Variants in CREB5 observed in about 807,000 individuals in gnomAD.
The protein encoded by CREB5 is cyclic AMP-responsive element-binding protein 5.
A neutral mutation model predicts 57.1 loss-of-function variants in CREB5; 19 were observed. That is an observed-to-expected ratio of 0.33 (90% CI 0.23 to 0.49). CREB5 has a LOEUF of 0.49. CREB5 is among the 20% of genes least tolerant of loss of function. CREB5 has a pLI of 0.99. For synonymous variants in CREB5, 238 were observed against 238.3 expected (o/e 1.00, Z 0.01); for missense variants, 579 against 671.6 (o/e 0.86, Z 1.52).
chr7:28,445,598 C>T (rs1047642055), intron 1 of CREB5, among the ~76,000 whole-genome samples: 1 of 151,708 alleles, frequency 6.6e-6, no homozygotes, highest in Admixed American at 6.6e-5. Flanking sequence ...GTTGCCCAGG[C>T]TGGAGTGCAG....
rs1477125869 is a variant in CREB5, at chr7:28,560,903, C to CGTGCGTGTGTGT, written c.292-9461_292-9460insTGCGTGTGTGTG. Among the ~76,000 whole-genome samples, 20 of 26,148 alleles carry CGTGCGTGTGTGT rather than the reference C, an allele frequency of 7.6e-4. 1 individual carries two copies. The highest frequency in any genetic ancestry group is 1.1e-3 in the Non-Finnish European group (14 of 12,524). The allele number at this position is 26,148 out of a possible 152,430, so 17.2% of individuals were successfully genotyped here. A position where few individuals can be genotyped will look rare whatever the true frequency, so the allele number is the denominator to read the frequency against. ...GCGTGCGTGCGTGTGTGTGCGTGCG[C>CGTGCGTGTGTGT]GCGTGCGTGTGCGTGTGTGCGCGTG... On this transcript the variant is annotated intron_variant, in intron 4 of 10. Coordinates refer to ENST00000357727, the MANE Select transcript of CREB5 (RefSeq NM_182898.4).
intron 5 of CREB5, among the ~76,000 whole-genome samples, chr7:28,671,092 T>C (rs1800019395): frequency 6.6e-6 from 1 of 151,882 alleles, no homozygotes; most frequent in Non-Finnish European, 1.5e-5. Flanking sequence ...AGCAAGACCC[T>C]GTCCCTGCAA....
intron 5 of CREB5, among the ~76,000 whole-genome samples, chr7:28,619,526 G>C (rs1036840845): frequency 6.6e-6 from 1 of 152,120 alleles, no homozygotes; most frequent in Non-Finnish European, 1.5e-5. Context: ...TCTTCAGTGA[G>C]AAAACCACAC....
chr7:28,751,264 A>G lies in CREB5; in HGVS notation c.702+26932A>G, dbSNP rs183820839. ...CTTCTCTACACATCTTTATTAACTCAGATGCCATCCCCAGCATTCAAAGAA... is the reference window on the plus strand; with the variant it reads ...CTTCTCTACACATCTTTATTAACTCGGATGCCATCCCCAGCATTCAAAGAA... On this transcript the variant is annotated intron_variant, in intron 7 of 10. Coordinates refer to ENST00000357727, the MANE Select transcript of CREB5 (RefSeq NM_182898.4). Among the ~76,000 whole-genome samples the G allele has an allele frequency of 6.6e-5, 10 of 152,228 alleles. No homozygotes were observed. The East Asian group carries it at 1.9e-3, about 29-fold the overall frequency.
chr7:28,729,556 T>A (rs1168278711), intron 7 of CREB5, among the ~76,000 whole-genome samples: 3 of 152,198 alleles, frequency 2.0e-5, no homozygotes, highest in African/African-American at 4.8e-5. Context: ...GTCCAACAGA[T>A]AAATCACAGA....
intron 5 of CREB5, among the ~76,000 whole-genome samples, chr7:28,579,118 G>C (rs1052771324): frequency 1.3e-5 from 2 of 152,164 alleles, no homozygotes; most frequent in African/African-American, 2.4e-5. Flanking sequence ...CTGGGGGCCT[G>C]ACTTTTCCAT....
At chr7:28,787,429 A>T (rs1807396093) in intron 7 of CREB5, among the ~76,000 whole-genome samples, 2 of 152,148 alleles carry the variant, frequency 1.3e-5, no homozygotes. Context: ...TTCAACTTTA[A>T]ACTTGTCATG....
At chr7:28,316,506 A>G (rs1785385559) in intron 1 of CREB5, among the ~76,000 whole-genome samples, 1 of 152,142 alleles carries the variant, frequency 6.6e-6, no homozygotes, top group South Asian at 2.1e-4. Flanking sequence ...TGGGAACTAA[A>G]TATTGTCTTT....
chr7:28,536,145 C>A (rs62449894), intron 4 of CREB5, among the ~76,000 whole-genome samples: 8,824 of 152,192 alleles, frequency 0.058, 369 homozygotes, highest in Middle Eastern at 0.12. Flanking sequence ...GCTGAGAAAC[C>A]AGCAAACAAT....
At chr7:28,398,476 C>T (rs928339865) in intron 1 of CREB5, among the ~76,000 whole-genome samples, 1 of 152,134 alleles carries the variant, frequency 6.6e-6, no homozygotes, top group Non-Finnish European at 1.5e-5. Context: ...CAAATATGAA[C>T]CTTTGCTATC....
chr7:28,325,518 T>C (rs1785579898), intron 1 of CREB5, among the ~76,000 whole-genome samples: 1 of 152,218 alleles, frequency 6.6e-6, no homozygotes, highest in African/African-American at 2.4e-5. Flanking sequence ...CCCTTGATGC[T>C]GGGAATAAAA....
chr7:28,520,508 G>A (rs1793159788), intron 4 of CREB5, among the ~76,000 whole-genome samples: 1 of 152,120 alleles, frequency 6.6e-6, no homozygotes, highest in African/African-American at 2.4e-5. Context: ...TTGCTCCTAG[G>A]GCCAAATCCC....
intron 1 of CREB5, among the ~76,000 whole-genome samples, chr7:28,377,551 G>C (rs74392363): frequency 0.012 from 1,763 of 151,604 alleles, 34 homozygotes; most frequent in African/African-American, 0.04. Flanking sequence ...ATTTTTGAAA[G>C]ACTGCTATCG....
At chr7:28,788,608 A>G (rs942347897) in intron 7 of CREB5, among the ~76,000 whole-genome samples, 1 of 152,230 alleles carries the variant, frequency 6.6e-6, no homozygotes, top group Non-Finnish European at 1.5e-5. Context: ...GCACAAAGTA[A>G]ACGCTTAGCA....
At chr7:28,361,682 C>T (rs1324422843) in intron 1 of CREB5, among the ~76,000 whole-genome samples, 1 of 152,198 alleles carries the variant, frequency 6.6e-6, no homozygotes, top group Non-Finnish European at 1.5e-5. Context: ...CTCTTTTCAG[C>T]CTCCTGCGGA....
chr7:28,610,340 A>C lies in CREB5; in HGVS notation c.464+39803A>C, dbSNP rs529434784. 3.3e-5 allele frequency among the ~76,000 whole-genome samples: 5 copies of C among 152,292 alleles called. No homozygotes were observed. In the East Asian group the frequency reaches 9.7e-4, roughly 29 times the overall value. ...TACAGAAGTTGATAGCATTGGGCTTAGTGACCACAATTCAATTATAAGCAC... is the reference window on the plus strand; with the variant it reads ...TACAGAAGTTGATAGCATTGGGCTTCGTGACCACAATTCAATTATAAGCAC... On this transcript the variant is annotated intron_variant, in intron 5 of 10. Coordinates refer to ENST00000357727, the MANE Select transcript of CREB5 (RefSeq NM_182898.4).
intron 5 of CREB5, among the ~76,000 whole-genome samples, chr7:28,655,062 T>G (rs892772477): frequency 1.3e-5 from 2 of 151,948 alleles, no homozygotes; most frequent in Admixed American, 1.3e-4. Flanking sequence ...GCCACTATGC[T>G]TGGCTAATTT....
intron 4 of CREB5, among the ~76,000 whole-genome samples, chr7:28,547,408 T>C (rs558116492): frequency 2.0e-4 from 30 of 152,276 alleles, no homozygotes; most frequent in Middle Eastern, 6.8e-3. Flanking sequence ...TGAATAGAAA[T>C]CCAAAAAGAG....
In CREB5 at chr7:28,560,867, T is replaced by TGCGTGCGCGC. The variant is rs1562797350; in HGVS notation, c.292-9489_292-9488insCGCGTGCGCG. Among the ~76,000 whole-genome samples the TGCGTGCGCGC allele has an allele frequency of 9.1e-5, 2 of 22,046 alleles. 1 individual carries two copies. Among genetic ancestry groups the TGCGTGCGCGC allele is most frequent in the Admixed American group, 8.8e-4 (2 of 2,264 alleles). The allele number at this position is 22,046 out of a possible 152,430, so 14.5% of individuals were successfully genotyped here. On this transcript the variant is annotated intron_variant, in intron 4 of 10. Coordinates refer to ENST00000357727, the MANE Select transcript of CREB5 (RefSeq NM_182898.4). ...GTGCGCGTGTGTGTGTGCGTGTGCC[T>TGCGTGCGCGC]GCGTGCGCGTGCGTGCGTGCGTGTG... is the stretch of plus-strand genomic sequence containing the variant.
Sources: allele counts gnomAD v4.1 joint callset (sites outside exome capture counted in the v4.1 genomes callset), GRCh38; gene constraint gnomAD v4.1.1; transcripts MANE v1.5; gene names NCBI Gene and HGNC (gene_info 2026-07-23, HGNC 2026-07-21).